The following OR3A3 variants were observed in gnomAD, a reference collection of about 807,000 sequenced individuals.
The protein encoded by OR3A3 is olfactory receptor family 3 subfamily A member 3, also known as olfactory receptor 3A3.
For missense variants in OR3A3, 275 were observed against 391.4 expected, an observed-to-expected ratio of 0.70 and a Z score of 2.51; for synonymous variants, 103 against 163.9, an observed-to-expected ratio of 0.63 and a Z score of 2.84.
Position 3,421,240 on chromosome 17 carries a change from G to GAAGGACACACT in OR3A3, c.655_656insAAGGACACACT (p.Val219GlufsTer11). 6.2e-7 allele frequency: 1 copy of GAAGGACACACT among 1,614,202 alleles called. No individual in the cohort carries two copies. The highest frequency in any genetic ancestry group is 8.5e-7 in the Non-Finnish European group (1 of 1,180,038). Reference sequence around the variant, plus strand: ...TGTGGCACCCTTGGTCTTCATCAGTGTGTCCTATGCCCATGTGGTAGCTGC... The same window carrying GAAGGACACACT: ...TGTGGCACCCTTGGTCTTCATCAGTGAAGGACACACTTGTCCTATGCCCATGTGGTAGCTGC... On this transcript the variant is annotated frameshift_variant, in exon 3 of 3. Coordinates refer to ENST00000641141, the Ensembl canonical transcript of OR3A3. LOFTEE classifies it low-confidence loss of function (END_TRUNC).
At chr17:3,416,280 T>C (rs1343438581) in intron 2 of OR3A3, among the ~76,000 whole-genome samples, 5 of 152,336 alleles carry the variant, frequency 3.3e-5, no homozygotes, top group African/African-American at 1.2e-4. Context: ...AACATATTAA[T>C]ACATTTTCTC....
intron 2 of OR3A3, among the ~76,000 whole-genome samples, chr17:3,413,200 G>A (rs1011033181): frequency 6.6e-6 from 1 of 152,188 alleles, no homozygotes; most frequent in Non-Finnish European, 1.5e-5. Flanking sequence ...GAGAGAAGCA[G>A]CAGGAGGGAG....
exon 3 of OR3A3, chr17:3,421,433 T>C: frequency 1.2e-6 from 2 of 1,610,220 alleles, no homozygotes; most frequent in Non-Finnish European, 1.7e-6. Context: ...TTCATGACTG[T>C]GATCAACCCC....
rs752788944 is a variant in OR3A3 at position 3,421,204 on chromosome 17, G to T, written c.619G>T (p.Ala207Ser). 4 of 1,614,216 alleles carry T rather than the reference G, an allele frequency of 2.5e-6. No individual in the cohort carries two copies. In the East Asian group the frequency reaches 8.9e-5, roughly 36 times the overall value. Reference sequence around the variant, plus strand: ...TGAGCTGCTGCTCTTTGTAGCAGCAGCCTTCATGGCTGTGGCACCCTTGGT... The same window carrying T: ...TGAGCTGCTGCTCTTTGTAGCAGCATCCTTCATGGCTGTGGCACCCTTGGT... The change falls in exon 3 of 3, where the codon GCC becomes TCC. Residue 207 changes from alanine to serine, a missense_variant. Physicochemically the swap from Ala to Ser is moderately conservative, Grantham distance 99. Transcript: ENST00000641141.
At chr17:3,414,723 T>G (rs569823423) in intron 2 of OR3A3, among the ~76,000 whole-genome samples, 1 of 152,044 alleles carries the variant, frequency 6.6e-6, no homozygotes, top group Non-Finnish European at 1.5e-5. Flanking sequence ...GAAATGGAAT[T>G]TGGTTGACAG....
exon 3 of OR3A3, chr17:3,421,509 T>A (rs1334710073): frequency 2.0e-6 from 3 of 1,533,248 alleles, no homozygotes; most frequent in Non-Finnish European, 2.6e-6. Context: ...GTCAGCTACT[T>A]GTGGGGAAGC....
At chr17:3,413,891 A>G (rs1368336523) in intron 2 of OR3A3, among the ~76,000 whole-genome samples, 3 of 150,780 alleles carry the variant, frequency 2.0e-5, no homozygotes, top group Non-Finnish European at 4.4e-5. Context: ...CCGCATCCAC[A>G]TTCTCATCCA....
intron 2 of OR3A3, among the ~76,000 whole-genome samples, chr17:3,415,040 T>C (rs2072382451): frequency 6.6e-6 from 1 of 152,184 alleles, no homozygotes; most frequent in Admixed American, 6.5e-5. Context: ...TATGTGTATG[T>C]GGTAACAGTG....
chr17:3,422,218 A>G (rs538659560), exon 3 of OR3A3: 9 of 152,364 alleles, frequency 5.9e-5, no homozygotes, highest in African/African-American at 2.2e-4. Context: ...CCACACGGGA[A>G]TCCCATAGGA....
chr17:3,419,941 G>A (rs555897274), intron 2 of OR3A3, among the ~76,000 whole-genome samples: 2 of 151,794 alleles, frequency 1.3e-5, no homozygotes, highest in African/African-American at 4.8e-5. Context: ...GATTTTTTTT[G>A]TATTTTTAGT....
rs138844567 is a variant in OR3A3, at chr17:3,416,532, C to T, written c.-6-4048C>T. On this transcript the variant is annotated intron_variant, in intron 2 of 2. Transcript: ENST00000641141. ...TTACAAACTTCCCTGTGGCATTTTA[C>T]GGAGATGTTGCTTTTCATTAGTGGC... Among the ~76,000 whole-genome samples, 57 of 151,796 alleles carry T rather than the reference C, an allele frequency of 3.8e-4. No homozygotes were observed. In the East Asian group the frequency reaches 5.2e-3, roughly 14 times the overall value.
chr17:3,419,080 G>A (rs1016944508), intron 2 of OR3A3, among the ~76,000 whole-genome samples: 1 of 152,150 alleles, frequency 6.6e-6, no homozygotes, highest in Non-Finnish European at 1.5e-5. Flanking sequence ...AATGTACACA[G>A]AAAAAATAAT....
Position 3,421,219 on chromosome 17 carries a change from GC to G in OR3A3, c.635del (p.Ala212AspfsTer14), listed in dbSNP as rs1567584716. ...TGTAGCAGCAGCCTTCATGGCTGTG[GC>G]ACCCTTGGTCTTCATCAGTGTGTCC... On this transcript the variant is annotated frameshift_variant, in exon 3 of 3. Transcript: ENST00000641141. LOFTEE classifies it low-confidence loss of function (END_TRUNC). 6.2e-7 allele frequency: 1 copy of G among 1,614,196 alleles called. No individual in the cohort carries two copies. The highest frequency in any genetic ancestry group is 1.1e-5 in the South Asian group (1 of 91,084).
At chr17:3,418,481 C>G (rs1048694785) in intron 2 of OR3A3, among the ~76,000 whole-genome samples, 1 of 152,196 alleles carries the variant, frequency 6.6e-6, no homozygotes, top group African/African-American at 2.4e-5. Context: ...ATCAGCTTGC[C>G]TGGGTGGCTT....
intron 2 of OR3A3, among the ~76,000 whole-genome samples, chr17:3,413,315 C>T (rs972330192): frequency 2.2e-4 from 33 of 152,144 alleles, no homozygotes; most frequent in African/African-American, 7.7e-4. Flanking sequence ...CAGCAGCCAG[C>T]AACTGGCGTC....
intron 2 of OR3A3, among the ~76,000 whole-genome samples, chr17:3,419,923 G>C (rs1034266549): frequency 6.6e-6 from 1 of 151,830 alleles, no homozygotes; most frequent in Non-Finnish European, 1.5e-5. Context: ...CTGCCACCAA[G>C]CCCGGCTGAT....
chr17:3,413,618 A>G (rs1191511487), intron 2 of OR3A3, among the ~76,000 whole-genome samples: 2 of 151,924 alleles, frequency 1.3e-5, no homozygotes, highest in Non-Finnish European at 2.9e-5. Context: ...TTCGAGACCA[A>G]CCTGGTCAAC....
chr17:3,416,885 T>C (rs2072395213), intron 2 of OR3A3, among the ~76,000 whole-genome samples: 1 of 152,106 alleles, frequency 6.6e-6, no homozygotes, highest in Non-Finnish European at 1.5e-5. Context: ...TATTGTTAAC[T>C]ATAGTCTCCA....
chr17:3,419,379 A>C (rs1386783206), intron 2 of OR3A3, among the ~76,000 whole-genome samples: 2 of 152,182 alleles, frequency 1.3e-5, no homozygotes, highest in African/African-American at 4.8e-5. Context: ...TCTATTTTGA[A>C]GTCTGCTTAT....
Sources: allele counts gnomAD v4.1 joint callset (sites outside exome capture counted in the v4.1 genomes callset), GRCh38; gene constraint gnomAD v4.1.1; transcripts MANE v1.5; gene names NCBI Gene and HGNC (gene_info 2026-07-23, HGNC 2026-07-21).